Variants in CSMD3 observed in about 807,000 individuals in gnomAD.
CSMD3 encodes the protein CUB and sushi domain-containing protein 3.
CSMD3 carries 177 observed loss-of-function variants against 435.2 expected under a neutral mutation model. The ratio of observed to expected loss-of-function variants is 0.41; its 90% confidence interval spans 0.36 to 0.46. The LOEUF is 0.46. Among genes scored for constraint, CSMD3 ranks in the 20% least tolerant of loss-of-function variants. CSMD3 has a pLI of 0.34. For synonymous variants in CSMD3, 1,656 were observed against 1,520.5 expected, an observed-to-expected ratio of 1.09 and a Z score of -2.07; for missense variants, 4,265 against 4,504.6, an observed-to-expected ratio of 0.95 and a Z score of 1.52.
intron 39 of CSMD3, among the ~76,000 whole-genome samples, chr8:112,351,828 C>CT (rs1313651188): frequency 1.3e-5 from 2 of 151,818 alleles, no homozygotes; most frequent in Admixed American, 1.3e-4. Context: ...TTTTCCTTAA[C>CT]TTTTTATCTT....
chr8:112,875,100 T>C (rs1437864303), intron 10 of CSMD3, among the ~76,000 whole-genome samples: 1 of 152,184 alleles, frequency 6.6e-6, no homozygotes, highest in Non-Finnish European at 1.5e-5. Flanking sequence ...GGAGCTCTTG[T>C]AAATCAGGCC....
At chr8:113,411,889 T>G (rs926406996) in intron 1 of CSMD3, among the ~76,000 whole-genome samples, 1 of 152,106 alleles carries the variant, frequency 6.6e-6, no homozygotes, top group Non-Finnish European at 1.5e-5. Flanking sequence ...ACTGCAAAAT[T>G]TTCTTATCTT....
intron 4 of CSMD3, among the ~76,000 whole-genome samples, chr8:113,105,420 G>C (rs556990589): frequency 3.3e-5 from 5 of 152,166 alleles, no homozygotes; most frequent in African/African-American, 1.2e-4. Flanking sequence ...TTAGTCATAG[G>C]GCAAAGTTCT....
intron 63 of CSMD3, among the ~76,000 whole-genome samples, chr8:112,253,170 C>T (rs1182502922): frequency 6.6e-6 from 1 of 151,898 alleles, no homozygotes; most frequent in Non-Finnish European, 1.5e-5. Context: ...CAAAGCAAGT[C>T]ACATTCTGTT....
At chr8:112,998,384 A>G (rs956613018) in intron 6 of CSMD3, among the ~76,000 whole-genome samples, 2 of 151,862 alleles carry the variant, frequency 1.3e-5, no homozygotes, top group Non-Finnish European at 2.9e-5. Flanking sequence ...CGCCTGAACC[A>G]TTATTTTCTC....
chr8:112,609,541 G>T (rs1833087236), intron 22 of CSMD3, among the ~76,000 whole-genome samples: 1 of 152,128 alleles, frequency 6.6e-6, no homozygotes, highest in African/African-American at 2.4e-5. Flanking sequence ...TATGGAGAAA[G>T]GGGAACCCTT....
intron 17 of CSMD3, 140 bp downstream of exon 17, chr8:112,666,137 G>A (rs1586924667): frequency 2.8e-6 from 2 of 719,664 alleles, no homozygotes; most frequent in Non-Finnish European, 4.9e-6. Flanking sequence ...TTAAAAGGGG[G>A]CAAACAGATG....
At chr8:113,035,481 G>A (rs1298118084) in intron 5 of CSMD3, among the ~76,000 whole-genome samples, 1 of 151,946 alleles carries the variant, frequency 6.6e-6, no homozygotes, top group Non-Finnish European at 1.5e-5. Flanking sequence ...TAGTTGCTGA[G>A]GGCTGGAGGT....
chr8:112,381,892 G>T (rs1470098794), intron 37 of CSMD3, among the ~76,000 whole-genome samples: 1 of 152,058 alleles, frequency 6.6e-6, no homozygotes, highest in African/African-American at 2.4e-5. Flanking sequence ...GGAAATGCAT[G>T]GCAAATGTCA....
At chr8:112,483,804 C>T (rs780895032) in intron 31 of CSMD3, among the ~76,000 whole-genome samples, 1 of 152,142 alleles carries the variant, frequency 6.6e-6, no homozygotes, top group Non-Finnish European at 1.5e-5. Context: ...GCTCCCTTGA[C>T]AGAGGTAGGA....
intron 4 of CSMD3, among the ~76,000 whole-genome samples, chr8:113,119,221 G>T (rs2090919429): frequency 6.6e-6 from 1 of 152,052 alleles, no homozygotes; most frequent in African/African-American, 2.4e-5. Flanking sequence ...ACGTTATATA[G>T]ACTAGACAAT....
rs118169579 is a variant in CSMD3 at position 112,371,180 on chromosome 8, G to T, written c.6136+9172C>A. 6.3e-3 allele frequency among the ~76,000 whole-genome samples: 966 copies of T among 152,280 alleles called. 4 individuals are homozygous for T. The highest frequency in any genetic ancestry group is 0.011 in the Non-Finnish European group (775 of 68,020). On this transcript the variant is annotated intron_variant, in intron 38 of 70. Coordinates refer to ENST00000297405, the MANE Select transcript of CSMD3 (RefSeq NM_198123.2). ...TAGCCCACATGGATATGGGGCACAC[G>T]CTGCTGGGCAGAGAAATGGCTGCAC...
intron 2 of CSMD3, among the ~76,000 whole-genome samples, chr8:113,287,576 T>C (rs1480100651): frequency 6.6e-6 from 1 of 151,978 alleles, no homozygotes; most frequent in Non-Finnish European, 1.5e-5. Context: ...AATATAAAAT[T>C]CCAGAAAGAA....
intron 41 of CSMD3, among the ~76,000 whole-genome samples, chr8:112,342,971 T>TTATA (rs1159933349): frequency 2.2e-5 from 2 of 92,404 alleles, no homozygotes; most frequent in South Asian, 6.4e-4. Context: ...TTGAAATGTA[T>TTATA]TATATATATA....
At chr8:112,992,371 T>C (rs1223809132) in intron 6 of CSMD3, among the ~76,000 whole-genome samples, 4 of 151,718 alleles carry the variant, frequency 2.6e-5, no homozygotes, top group African/African-American at 7.3e-5. Context: ...TGTCAAAACA[T>C]ACACGGTGAT....
chr8:112,382,475 G>A (rs1829562372), intron 37 of CSMD3, among the ~76,000 whole-genome samples: 2 of 151,992 alleles, frequency 1.3e-5, no homozygotes, highest in Non-Finnish European at 2.9e-5. Flanking sequence ...GTGATGATAA[G>A]TAATTGGTTC....
At chr8:113,273,369 T>A (rs552084329) in intron 3 of CSMD3, among the ~76,000 whole-genome samples, 2 of 152,146 alleles carry the variant, frequency 1.3e-5, no homozygotes, top group East Asian at 3.9e-4. Context: ...ACTTTGTTTT[T>A]TGCGGTTTCA....
At chr8:112,261,320 G>T (rs1456381999) in intron 61 of CSMD3, among the ~76,000 whole-genome samples, 1 of 151,856 alleles carries the variant, frequency 6.6e-6, no homozygotes, top group Non-Finnish European at 1.5e-5. Flanking sequence ...TACATAACTT[G>T]CATTAAATTA....
chr8:113,394,544 G>A (rs1264114741), intron 1 of CSMD3, among the ~76,000 whole-genome samples: 1 of 151,992 alleles, frequency 6.6e-6, no homozygotes, highest in African/African-American at 2.4e-5. Context: ...AAATTCTAGT[G>A]CTATATTTCT....
Sources: gnomAD v4.1 joint callset for allele counts (sites outside exome capture counted in the v4.1 genomes callset) on GRCh38, gnomAD v4.1.1 for gene constraint, MANE v1.5 for transcripts, NCBI Gene and HGNC (gene_info 2026-07-23, HGNC 2026-07-21) for gene names.